TMEM219: variants seen among roughly 807,000 people sequenced by gnomAD.
TMEM219 encodes transmembrane protein 219.
TMEM219 carries 18 observed loss-of-function variants against 17.9 expected under a neutral mutation model. The ratio of observed to expected loss-of-function variants is 1.01; its 90% confidence interval spans 0.70 to 1.49. The LOEUF (loss-of-function observed/expected upper bound fraction) is 1.49. Ranked by LOEUF, TMEM219 falls within the 40% of genes most tolerant of loss-of-function variation. TMEM219 has a pLI of 0.00. For missense variants in TMEM219, 288 were observed against 292.4 expected (o/e 0.99, Z 0.11); for synonymous variants, 113 against 124.0 (o/e 0.91, Z 0.59).
chr16:29,971,277 A>T, intron 4 of TMEM219, 131 bp from the exon 5 acceptor site: 1 of 981,454 alleles, frequency 1.0e-6, no homozygotes, highest in Non-Finnish European at 1.5e-6. Flanking sequence ...ATGTCAGCTT[A>T]TATGAAAATA....
Position 29,967,654 on chromosome 16 carries a change from A to T in TMEM219, c.356-371A>T, listed in dbSNP as rs139050558. ...AGAAAATACAAGAAAAGGGCCGGGC[A>T]CGGTGGCTCACGCCTGTAATCCCAG... On this transcript the variant is annotated intron_variant, in intron 3 of 5. Transcript: ENST00000279396. Among the ~76,000 whole-genome samples the T allele has an allele frequency of 3.9e-5, 6 of 152,268 alleles. No individual in the cohort carries two copies. In the East Asian group the frequency reaches 7.7e-4, roughly 20 times the overall value.
intron 4 of TMEM219, among the ~76,000 whole-genome samples, 159 bp from the exon 5 acceptor site, chr16:29,971,245 CAAAA>C (rs372675511): frequency 7.9e-6 from 1 of 127,366 alleles, no homozygotes; most frequent in South Asian, 2.4e-4. Flanking sequence ...GACTCCATCT[CAAAA>C]AAAAAAAAAA....
At chr16:29,967,724 A>T (rs574492055) in intron 3 of TMEM219, among the ~76,000 whole-genome samples, 16 of 152,196 alleles carry the variant, frequency 1.1e-4, no homozygotes, top group Admixed American at 3.9e-4. Flanking sequence ...TCAGGAGATC[A>T]AGACCATCCT....
Position 29,967,881 on chromosome 16 carries a change from T to G in TMEM219, c.356-144T>G, listed in dbSNP as rs560703561. The G allele has an allele frequency of 3.0e-4, 186 of 620,000 alleles. 2 individuals are homozygous for G. In the South Asian group the frequency reaches 3.3e-3, roughly 11 times the overall value. The allele number at this position is 620,000 out of a possible 1,614,324, so 38.4% of individuals were successfully genotyped here. A position where few individuals can be genotyped will look rare whatever the true frequency, so the allele number is the denominator to read the frequency against. Reference sequence around the variant, plus strand: ...GGCGGAGCTTGCAGTGAGCCGAGATTGCGCCACTGCACTCCAGCCTGGGTG... The same window carrying G: ...GGCGGAGCTTGCAGTGAGCCGAGATGGCGCCACTGCACTCCAGCCTGGGTG... On this transcript the variant is annotated intron_variant, in intron 3 of 5. Transcript: ENST00000279396.
chr16:29,970,410 C>T (rs1200355935), intron 4 of TMEM219, among the ~76,000 whole-genome samples: 2 of 150,982 alleles, frequency 1.3e-5, no homozygotes, highest in East Asian at 4.1e-4. Context: ...CTGCAAGCTC[C>T]GCCTCCCAGG....
chr16:29,972,461 A>AT (rs1336159181), intron 5 of TMEM219, among the ~76,000 whole-genome samples: 3 of 152,222 alleles, frequency 2.0e-5, no homozygotes, highest in Non-Finnish European at 2.9e-5. Context: ...CAGTTCACAC[A>AT]TCAGCTCACT....
At chr16:29,964,697 A>AT (rs1278760679) in intron 3 of TMEM219, among the ~76,000 whole-genome samples, 13 of 151,234 alleles carry the variant, frequency 8.6e-5, no homozygotes, top group Non-Finnish European at 1.6e-4. Context: ...AAAAAAAAAA[A>AT]GTAAGGTGAG....
intron 1 of TMEM219, among the ~76,000 whole-genome samples, chr16:29,962,423 G>A (rs527446933): frequency 1.3e-5 from 2 of 152,172 alleles, no homozygotes; most frequent in African/African-American, 2.4e-5. Flanking sequence ...CGCACCTTGC[G>A]TGGGAAGGAG....
chr16:29,968,365 C>A (rs777603650), intron 4 of TMEM219, 111 bp downstream of exon 4: 2 of 858,408 alleles, frequency 2.3e-6, no homozygotes, highest in Non-Finnish European at 3.6e-6. Context: ...GGTTTTATAA[C>A]CCTGCCTTGG....
chr16:29,963,091 C>T lies in TMEM219; in HGVS notation c.-37-16C>T. On this transcript the variant is annotated splice_polypyrimidine_tract_variant and intron_variant, in intron 1 of 5. Coordinates refer to ENST00000279396, the MANE Select transcript of TMEM219 (RefSeq NM_001083613.2). ...AAAGCGGTGCTCTTGTCCCATTCTCCCTCCCTGTCTTCCAGCAGGCTCTCC... is the reference window on the plus strand; with the variant it reads ...AAAGCGGTGCTCTTGTCCCATTCTCTCTCCCTGTCTTCCAGCAGGCTCTCC... 1 of 1,593,190 alleles carries T rather than the reference C, an allele frequency of 6.3e-7. No individual in the cohort carries two copies. The highest frequency in any genetic ancestry group is 8.5e-7 in the Non-Finnish European group (1 of 1,172,478).
chr16:29,968,408 T>C, intron 4 of TMEM219, 154 bp downstream of exon 4: 1 of 597,188 alleles, frequency 1.7e-6, no homozygotes, highest in Non-Finnish European at 3.0e-6. Flanking sequence ...TGTCTAAACA[T>C]CTCTGAGTGT....
Position 29,968,006 on chromosome 16 carries a change from T to C in TMEM219, c.356-19T>C. 1 of 1,588,180 alleles carries C rather than the reference T, an allele frequency of 6.3e-7. No individual in the cohort carries two copies. The highest frequency in any genetic ancestry group is 8.6e-7 in the Non-Finnish European group (1 of 1,157,164). On this transcript the variant is annotated intron_variant, in intron 3 of 5. Transcript: ENST00000279396. ...TCACCTCTCATTTTCTTCCATTTTC[T>C]CTTCTGTGCCTTTCACAGGATCTTC...
rs2069237559 is a variant in TMEM219, at chr16:29,968,139, C to G, written c.470C>G (p.Pro157Arg). 6.2e-7 allele frequency: 1 copy of G among 1,614,084 alleles called. No homozygotes were observed. The highest frequency in any genetic ancestry group is 8.5e-7 in the Non-Finnish European group (1 of 1,180,016). Reference sequence around the variant, plus strand: ...GGAATCCTACCCTCCAGCCAGCCACCCATATCCTGCTCAGAGGAGGGGGCT... The same window carrying G: ...GGAATCCTACCCTCCAGCCAGCCACGCATATCCTGCTCAGAGGAGGGGGCT... ...VPGILPSSQP[P>R]ISCSEEGAGN... Residue 157 changes from proline to arginine, a missense_variant, in exon 4 of 6, where the codon CCC (proline) becomes CGC (arginine). Pro to Arg is a moderately radical substitution (Grantham distance 103). Coordinates refer to ENST00000279396, the MANE Select transcript of TMEM219 (RefSeq NM_001083613.2).
intron 3 of TMEM219, 23 bp downstream of exon 3, chr16:29,963,612 G>A (rs1317830677): frequency 6.2e-7 from 1 of 1,606,910 alleles, no homozygotes; most frequent in Non-Finnish European, 8.5e-7. Flanking sequence ...GCTGGGTGTG[G>A]TGGCTCACGC....
At chr16:29,964,585 T>C (rs1337575490) in intron 3 of TMEM219, among the ~76,000 whole-genome samples, 3 of 151,342 alleles carry the variant, frequency 2.0e-5, no homozygotes, top group African/African-American at 7.3e-5. Context: ...CGCTTGAACC[T>C]GGGAGGCGGA....
At chr16:29,968,294 C>T (rs540851274) in intron 4 of TMEM219, 40 bp downstream of exon 4, 8 of 1,514,520 alleles carry the variant, frequency 5.3e-6, no homozygotes, top group Non-Finnish European at 6.4e-6. Flanking sequence ...TTGTAGACTG[C>T]CTGCTGACTA....
chr16:29,962,887 C>A lies in TMEM219; in HGVS notation c.-37-220C>A, dbSNP rs1383090980. On this transcript the variant is annotated intron_variant, in intron 1 of 5. Transcript: ENST00000279396. ...AGTTTCCTTCTTCCAGCACGGAGTA[C>A]ACTGCTCTGCCTCCACTTAGATTAC... The A allele has an allele frequency of 1.1e-5, 6 of 523,242 alleles. No homozygotes were observed. The East Asian group carries it at 2.0e-4, about 18-fold the overall frequency. 32.4% of individuals were successfully genotyped at this position (523,242 alleles called of 1,614,324 possible). A position where few individuals can be genotyped will look rare whatever the true frequency, so the allele number is the denominator to read the frequency against.
chr16:29,964,388 C>G (rs543651854), intron 3 of TMEM219, among the ~76,000 whole-genome samples: 18 of 152,008 alleles, frequency 1.2e-4, no homozygotes, highest in Non-Finnish European at 2.1e-4. Context: ...GAGGCTGAGG[C>G]AGGAGAATTG....
Position 29,963,092 on chromosome 16 carries a change from C to G in TMEM219, c.-37-15C>G, listed in dbSNP as rs1434808608. 11 of 1,594,444 alleles carry G rather than the reference C, an allele frequency of 6.9e-6. No homozygotes were observed. The highest frequency in any genetic ancestry group is 9.4e-6 in the Non-Finnish European group (11 of 1,173,506). ...AAGCGGTGCTCTTGTCCCATTCTCC[C>G]TCCCTGTCTTCCAGCAGGCTCTCCC... On this transcript the variant is annotated splice_polypyrimidine_tract_variant and intron_variant, in intron 1 of 5. Transcript: ENST00000279396.
Sources: allele counts gnomAD v4.1 joint callset (sites outside exome capture counted in the v4.1 genomes callset), GRCh38; gene constraint gnomAD v4.1.1; transcripts MANE v1.5; gene names NCBI Gene and HGNC (gene_info 2026-07-23, HGNC 2026-07-21).